The following RYR3 variants were observed in gnomAD, a reference collection of about 807,000 sequenced individuals.
RYR3 encodes ryanodine receptor 3.
A neutral mutation model predicts 584.3 loss-of-function variants in RYR3; 207 were observed. The observed-to-expected ratio is 0.35, with a 90% CI of 0.32 to 0.40. RYR3 has a LOEUF of 0.40. RYR3 is among the 10% of genes least tolerant of loss of function. The pLI is 1.00. For missense variants in RYR3, 5,616 were observed against 6,089.2 expected, an observed-to-expected ratio of 0.92 and a Z score of 2.59; for synonymous variants, 2,416 against 2,248.5, an observed-to-expected ratio of 1.07 and a Z score of -2.11.
intron 39 of RYR3, among the ~76,000 whole-genome samples, chr15:33,696,741 A>C (rs890160756): frequency 6.6e-6 from 1 of 152,294 alleles, no homozygotes; most frequent in South Asian, 2.1e-4. Flanking sequence ...TTTTGAAAAT[A>C]GCCCCAGGGA....
In RYR3 at chr15:33,584,383, C is replaced by A; in HGVS notation, c.1574-12C>A. 6.6e-7 allele frequency: 1 copy of A among 1,512,440 alleles called. No homozygotes were observed. The highest frequency in any genetic ancestry group is 9.2e-7 in the Non-Finnish European group (1 of 1,091,886). 93.7% of individuals were successfully genotyped at this position (1,512,440 alleles called of 1,614,324 possible). On this transcript the variant is annotated splice_polypyrimidine_tract_variant and intron_variant, in intron 14 of 103. Coordinates refer to ENST00000634891, the MANE Select transcript of RYR3 (RefSeq NM_001036.6). The stretch of plus-strand genomic sequence containing the variant: ...CTTTAACCTCTATGATCAAACATCT[C>A]CTTGTTTGCAGCTGCTCTCATTCGC...
intron 48 of RYR3, among the ~76,000 whole-genome samples, chr15:33,734,752 C>A (rs1015626505): frequency 4.8e-5 from 7 of 146,984 alleles, no homozygotes; most frequent in Admixed American, 4.1e-4. Context: ...TGCAGTGGTG[C>A]CATCTCCACT....
At chr15:33,801,775 G>A (rs1296155638) in intron 68 of RYR3, 94 bp from the exon 69 acceptor site, 1 of 656,626 alleles carries the variant, frequency 1.5e-6, no homozygotes, top group African/African-American at 1.8e-5. Flanking sequence ...GCTGAGAGGA[G>A]GGGTCTATTC....
At chr15:33,662,976 A>G (rs1316354152) in intron 35 of RYR3, 28 bp downstream of exon 35, 7 of 1,581,482 alleles carry the variant, frequency 4.4e-6, no homozygotes, top group Non-Finnish European at 5.2e-6. Context: ...AAGTGGAGGC[A>G]GGTTAATAGA....
At chr15:33,362,362 C>G (rs946121303) in intron 1 of RYR3, among the ~76,000 whole-genome samples, 6 of 151,964 alleles carry the variant, frequency 3.9e-5, no homozygotes, top group African/African-American at 1.5e-4. Context: ...TAGAATAGGG[C>G]CTGGCACACA....
intron 62 of RYR3, among the ~76,000 whole-genome samples, chr15:33,770,460 A>G (rs569753322): frequency 1.3e-3 from 191 of 152,242 alleles, no homozygotes; most frequent in African/African-American, 4.4e-3. Context: ...GGGACTAGAA[A>G]GTTAGGAAGG....
chr15:33,659,527 A>C (rs1192296828), intron 32 of RYR3, among the ~76,000 whole-genome samples, 193 bp from the exon 33 acceptor site: 1 of 152,236 alleles, frequency 6.6e-6, no homozygotes, highest in Non-Finnish European at 1.5e-5. Flanking sequence ...GAGTGGAGAC[A>C]CTGTTTAAGG....
chr15:33,827,360 C>A, intron 85 of RYR3, 73 bp downstream of exon 85: 1 of 1,349,466 alleles, frequency 7.4e-7, no homozygotes, highest in Non-Finnish European at 1.0e-6. Context: ...TACACAGGGT[C>A]AGGGACAGCC....
chr15:33,508,549 C>T (rs1253176283), intron 3 of RYR3, among the ~76,000 whole-genome samples: 3 of 152,108 alleles, frequency 2.0e-5, no homozygotes, highest in Non-Finnish European at 4.4e-5. Context: ...ACTCGGGAGG[C>T]TGAGGCAGGA....
intron 1 of RYR3, among the ~76,000 whole-genome samples, chr15:33,391,863 G>A (rs1308233034): frequency 6.6e-6 from 1 of 152,010 alleles, no homozygotes; most frequent in Non-Finnish European, 1.5e-5. Flanking sequence ...CTGCAACACT[G>A]TATCCTTATG....
Position 33,731,491 on chromosome 15 carries a change from A to G in RYR3, c.7221A>G (p.Thr2407=). 14 of 1,612,178 alleles carry G rather than the reference A, an allele frequency of 8.7e-6. No individual in the cohort carries two copies. Among genetic ancestry groups the G allele is most frequent in the Non-Finnish European group, 1.1e-5 (13 of 1,179,036 alleles). Residue 2407 remains threonine (T), a synonymous_variant, in exon 48 of 104, where the codon ACA becomes ACG. Coordinates refer to ENST00000634891, the MANE Select transcript of RYR3 (RefSeq NM_001036.6). The part of the protein sequence containing the change: ...ASLDTVSLST[T]EAALALNRYI... ...TTCTCTAGGTTTCCCTAAGCACCAC[A>G]GAGGCTGCGCTTGCACTAAATAGGT...
intron 32 of RYR3, among the ~76,000 whole-genome samples, chr15:33,658,666 G>A (rs1006293561): frequency 6.6e-6 from 1 of 152,232 alleles, no homozygotes; most frequent in Non-Finnish European, 1.5e-5. Context: ...CCCAGTGTGT[G>A]AGCAGACTTT....
chr15:33,625,348 A>G (rs1251184498), intron 20 of RYR3, among the ~76,000 whole-genome samples: 1 of 152,218 alleles, frequency 6.6e-6, no homozygotes. Flanking sequence ...GCCAAACTAT[A>G]TCACTTTTGA....
chr15:33,843,162 A>G (rs1005982840), intron 91 of RYR3, among the ~76,000 whole-genome samples: 3 of 152,062 alleles, frequency 2.0e-5, no homozygotes, highest in Non-Finnish European at 4.4e-5. Context: ...TAGTAAAAAA[A>G]CAAAAAAATT....
Position 33,801,871 on chromosome 15 carries a change from C to T in RYR3, c.9921C>T (p.Asn3307=), listed in dbSNP as rs1262393390. Residue 3307 remains asparagine, a splice_region_variant and synonymous_variant, in exon 69 of 104, where the codon AAC becomes AAT. Transcript: ENST00000634891. The part of the protein sequence containing the change: ...EVFILWCKSH[N]FKREEQNFVI... ...TGTTTCAATTCTTTCCCACTTAGAA[C>T]TTCAAGAGAGAAGAGCAAAATTTTG... 1 of 1,522,072 alleles carries T rather than the reference C, an allele frequency of 6.6e-7. No individual in the cohort carries two copies. 94.3% of individuals were successfully genotyped at this position (1,522,072 alleles called of 1,614,324 possible). A position where few individuals can be genotyped will look rare whatever the true frequency, so the allele number is the denominator to read the frequency against.
At chr15:33,685,833 T>G (rs117117084) in intron 38 of RYR3, among the ~76,000 whole-genome samples, 6,652 of 152,316 alleles carry the variant, frequency 0.044, 219 homozygotes, top group Middle Eastern at 0.088. Context: ...AATCTGCTCC[T>G]CAATGACTAC....
At chr15:33,679,759 A>G (rs1451485301) in intron 38 of RYR3, among the ~76,000 whole-genome samples, 2 of 152,184 alleles carry the variant, frequency 1.3e-5, no homozygotes, top group East Asian at 1.9e-4. Flanking sequence ...TTGTATTGCT[A>G]ATTTCATTTT....
rs2049114234 is a variant in RYR3 at position 33,473,523 on chromosome 15, C to T, written c.156C>T (p.Pro52=). The change falls in exon 2 of 104, where the codon CCC becomes CCT. Residue 52 remains proline, a synonymous_variant. Transcript: ENST00000634891. ...GGAATCGCCTGTGCTTCTTGGAACC[C>T]ACTTCAGAAGCCAAGGTGAGATTGG... is the stretch of plus-strand genomic sequence containing the variant. The part of the protein sequence containing the change: ...GLGNRLCFLE[P]TSEAKYIPPD... 1 of 1,613,878 alleles carries T rather than the reference C, an allele frequency of 6.2e-7. No homozygotes were observed. Among genetic ancestry groups the T allele is most frequent in the Admixed American group, 1.7e-5 (1 of 59,998 alleles).
At chr15:33,557,252 G>A (rs2057126785) in intron 10 of RYR3, among the ~76,000 whole-genome samples, 1 of 152,228 alleles carries the variant, frequency 6.6e-6, no homozygotes, top group Admixed American at 6.5e-5. Context: ...AATGTAAAGT[G>A]TCATGTGTGA....
Sources: allele counts gnomAD v4.1 joint callset (sites outside exome capture counted in the v4.1 genomes callset), GRCh38; gene constraint gnomAD v4.1.1; transcripts MANE v1.5; gene names NCBI Gene and HGNC (gene_info 2026-07-23, HGNC 2026-07-21).